The following RASEF variants were observed in gnomAD, a reference collection of about 807,000 sequenced individuals.
RASEF encodes the protein ras and EF-hand domain-containing protein.
A neutral mutation model predicts 90.1 loss-of-function variants in RASEF; 68 were observed. The ratio of observed to expected loss-of-function variants is 0.75; its 90% CI spans 0.62 to 0.92. RASEF has a LOEUF of 0.92. Ranked by LOEUF, RASEF falls within the 40% of genes least tolerant of loss-of-function variation. RASEF has a pLI of 0.00. For synonymous variants in RASEF, 331 were observed against 345.2 expected, an observed-to-expected ratio of 0.96 and a Z score of 0.46; for missense variants, 949 against 937.2, an observed-to-expected ratio of 1.01 and a Z score of -0.16.
rs747670115 is a variant in RASEF, at chr9:83,000,555, C to T, written c.1453G>A (p.Asp485Asn). Residue 485 changes from aspartate to asparagine, a missense_variant, in exon 11 of 17, where the codon GAT becomes AAT. By Grantham distance (23) the Asp-to-Asn change is conservative. Coordinates refer to ENST00000376447, the MANE Select transcript of RASEF (RefSeq NM_152573.4). ...ASDTDVPDIR[D>N]EETFGLEDVA... ...TCTTCTAAACCAAATGTCTCTTCAT[C>T]CCTTATGTCAGGAACCTATTTTTTT... 3.8e-5 allele frequency: 61 copies of T among 1,598,326 alleles called. No homozygotes were observed. In the Admixed American group the frequency reaches 9.0e-4, roughly 24 times the overall value.
chr9:83,085,700 G>T, the RASEF span, among the ~76,000 whole-genome samples: 7 of 152,148 alleles, frequency 4.6e-5, no homozygotes, highest in East Asian at 1.4e-3. Flanking sequence ...CCGAGGCGGT[G>T]AATCACCTGA....
chr9:83,041,003 G>A (rs1829829697), intron 1 of RASEF, among the ~76,000 whole-genome samples: 1 of 152,176 alleles, frequency 6.6e-6, no homozygotes, highest in African/African-American at 2.4e-5. Flanking sequence ...TGGGATTACA[G>A]GCACGCGCCA....
the RASEF span, among the ~76,000 whole-genome samples, chr9:83,136,752 T>C: frequency 1.3e-5 from 2 of 152,148 alleles, no homozygotes; most frequent in African/African-American, 2.4e-5. Flanking sequence ...ACATATCTAT[T>C]ATGTATGAAA....
chr9:82,999,388 C>T (rs986165696), intron 12 of RASEF, among the ~76,000 whole-genome samples: 2 of 152,034 alleles, frequency 1.3e-5, no homozygotes, highest in East Asian at 1.9e-4. Context: ...TGCGTAAAAC[C>T]GCACCTCTCC....
At chr9:83,211,846 A>G in the RASEF span, among the ~76,000 whole-genome samples, 9 of 152,312 alleles carry the variant, frequency 5.9e-5, no homozygotes, top group South Asian at 4.1e-4. Context: ...TAGCCAACTT[A>G]TAAAGGAACC....
At chr9:83,201,585 G>T in the RASEF span, among the ~76,000 whole-genome samples, 1 of 152,162 alleles carries the variant, frequency 6.6e-6, no homozygotes, top group African/African-American at 2.4e-5. Flanking sequence ...CAATATAGCA[G>T]TTGGACTCAA....
chr9:83,179,183 A>G, the RASEF span, among the ~76,000 whole-genome samples: 124,059 of 152,148 alleles, frequency 0.82, 50,751 homozygotes, highest in Middle Eastern at 0.91. Context: ...TTGTCATAGG[A>G]AAAGCATAAA....
At chr9:83,137,531 A>C in the RASEF span, among the ~76,000 whole-genome samples, 6 of 152,152 alleles carry the variant, frequency 3.9e-5, no homozygotes, top group African/African-American at 1.4e-4. Flanking sequence ...AAAGAGCTAA[A>C]GGCAGCAAGA....
intron 7 of RASEF, 22 bp from the exon 8 acceptor site, chr9:83,005,522 A>G (rs370020988): frequency 8.3e-6 from 13 of 1,565,326 alleles, no homozygotes; most frequent in Non-Finnish European, 1.1e-5. Context: ...AGAAACAAGC[A>G]GAAAGAGAGA....
chr9:83,108,678 TCA>T, the RASEF span, among the ~76,000 whole-genome samples: 2 of 152,218 alleles, frequency 1.3e-5, no homozygotes, highest in African/African-American at 4.8e-5. Context: ...GACCTTCTGT[TCA>T]CAGTTTTTGT....
At chr9:83,072,660 G>A in the RASEF span, among the ~76,000 whole-genome samples, 2 of 152,184 alleles carry the variant, frequency 1.3e-5, no homozygotes, top group African/African-American at 4.8e-5. Context: ...GGGGTCTTAT[G>A]TTTGAAGGTA....
chr9:83,208,182 G>A, the RASEF span, among the ~76,000 whole-genome samples: 1 of 152,116 alleles, frequency 6.6e-6, no homozygotes, highest in African/African-American at 2.4e-5. Context: ...TCCTGCTATG[G>A]CACCCTTGGG....
the RASEF span, among the ~76,000 whole-genome samples, chr9:83,191,661 GT>G: frequency 6.6e-6 from 1 of 152,152 alleles, no homozygotes; most frequent in South Asian, 2.1e-4. Flanking sequence ...AGCTCATGAT[GT>G]TTAAAAGCCT....
At chr9:83,159,172 C>T in the RASEF span, among the ~76,000 whole-genome samples, 7 of 131,434 alleles carry the variant, frequency 5.3e-5, no homozygotes, top group Admixed American at 8.6e-5. Context: ...GGCGACAGAG[C>T]GAGACTCCGT....
At chr9:83,210,231 A>G in the RASEF span, among the ~76,000 whole-genome samples, 3 of 152,178 alleles carry the variant, frequency 2.0e-5, no homozygotes, top group African/African-American at 7.2e-5. Context: ...ATCATGACAG[A>G]AGGGGTTTGG....
chr9:83,192,577 G>A, the RASEF span, among the ~76,000 whole-genome samples: 1 of 152,192 alleles, frequency 6.6e-6, no homozygotes, highest in African/African-American at 2.4e-5. Flanking sequence ...TGGAAGGAGA[G>A]AGGGGAGCAG....
the RASEF span, among the ~76,000 whole-genome samples, chr9:83,147,036 A>ACGTG: frequency 1.0e-5 from 1 of 98,556 alleles, no homozygotes; most frequent in Admixed American, 1.1e-4. Flanking sequence ...GTGTATATAT[A>ACGTG]TATGTATATA....
chr9:82,992,097 C>T (rs1024802980), intron 15 of RASEF, among the ~76,000 whole-genome samples: 6 of 152,202 alleles, frequency 3.9e-5, no homozygotes, highest in Non-Finnish European at 7.3e-5. Context: ...AACGATTATT[C>T]CAGCTTAAAA....
At chr9:83,197,520 T>C in the RASEF span, among the ~76,000 whole-genome samples, 3 of 145,808 alleles carry the variant, frequency 2.1e-5, no homozygotes, top group African/African-American at 7.5e-5. Context: ...AAAAAGATGA[T>C]GATTTTTTAA....
Sources: gnomAD v4.1 joint callset for allele counts (sites outside exome capture counted in the v4.1 genomes callset) on GRCh38, gnomAD v4.1.1 for gene constraint, MANE v1.5 for transcripts, NCBI Gene and HGNC (gene_info 2026-07-23, HGNC 2026-07-21) for gene names.